The following CTNNA1 variants were observed in gnomAD, a reference collection of about 807,000 sequenced individuals.
CTNNA1 encodes catenin alpha 1, also known as catenin alpha-1.
CTNNA1 carries 37 observed loss-of-function variants against 98.4 expected under a neutral mutation model. The ratio of observed to expected loss-of-function variants is 0.38; its 90% CI spans 0.29 to 0.49. The LOEUF (loss-of-function observed/expected upper bound fraction) is 0.49. Ranked by LOEUF, CTNNA1 falls within the 20% of genes least tolerant of loss-of-function variation. The pLI is 0.95. For missense variants in CTNNA1, 761 were observed against 1,147.2 expected, an observed-to-expected ratio of 0.66 and a Z score of 4.86; for synonymous variants, 404 against 413.2, an observed-to-expected ratio of 0.98 and a Z score of 0.27.
rs1760868753 is a variant in CTNNA1 at position 138,827,801 on chromosome 5, C to T, written c.1062+83C>T. The stretch of plus-strand genomic sequence containing the variant: ...ACATGTTGGATCTGAGATGTTTTCA[C>T]TATAAATACCAAATATGTCCTTGAC... On this transcript the variant is annotated intron_variant, in intron 7 of 17. Transcript: ENST00000302763. The T allele has an allele frequency of 4.0e-6, 6 of 1,514,934 alleles. No homozygotes were observed. In the South Asian group the frequency reaches 4.7e-5, roughly 12 times the overall value. 93.8% of individuals were successfully genotyped at this position (1,514,934 alleles called of 1,614,324 possible).
At position 138,929,294 on chromosome 5, in the gene CTNNA1, G is replaced by A; in HGVS notation, c.1948G>A (p.Val650Ile). 6.2e-7 allele frequency: 1 copy of A among 1,612,696 alleles called. No homozygotes were observed. Among genetic ancestry groups the A allele is most frequent in the South Asian group, 1.1e-5 (1 of 91,054 alleles). The change falls in exon 14 of 18, where the codon GTC (valine) becomes ATC (isoleucine). Residue 650 changes from valine to isoleucine, a missense_variant. Around this residue, in one of 6 missense-constraint regions of CTNNA1, gnomAD observed 77 missense variants for 198.8 expected, o/e 0.39. Coordinates refer to ENST00000302763, the MANE Select transcript of CTNNA1 (RefSeq NM_001903.5). ...DSDFETEDFDVRSRTSVQTED... is the reference protein window; with the variant it reads ...DSDFETEDFDIRSRTSVQTED... Reference sequence around the variant, plus strand: ...TGACTTTGAGACAGAAGATTTTGATGTCAGAAGCAGGACGAGCGTCCAGAC... The same window carrying A: ...TGACTTTGAGACAGAAGATTTTGATATCAGAAGCAGGACGAGCGTCCAGAC...
intron 4 of CTNNA1, among the ~76,000 whole-genome samples, chr5:138,811,522 C>T (rs1334627597): frequency 4.0e-5 from 6 of 149,368 alleles, no homozygotes; most frequent in Non-Finnish European, 7.4e-5. Context: ...GGGTGGCGGC[C>T]GGGCAGAGGC....
intron 7 of CTNNA1, among the ~76,000 whole-genome samples, chr5:138,865,447 C>G (rs1032572294): frequency 2.6e-5 from 4 of 152,204 alleles, no homozygotes. Flanking sequence ...CAACGTTGTT[C>G]CTACAGCTGG....
chr5:138,893,010 C>T (rs987521550), intron 9 of CTNNA1, among the ~76,000 whole-genome samples: 9 of 151,940 alleles, frequency 5.9e-5, no homozygotes, highest in Non-Finnish European at 7.4e-5. Flanking sequence ...AGATAGACTC[C>T]GTCTCAAAAT....
At chr5:138,903,375 G>A (rs1327193780) in intron 9 of CTNNA1, among the ~76,000 whole-genome samples, 1 of 152,122 alleles carries the variant, frequency 6.6e-6, no homozygotes, top group Non-Finnish European at 1.5e-5. Flanking sequence ...TAAATTCCCA[G>A]AAAGTGCCTC....
rs565231062 is a variant in CTNNA1 at position 138,757,969 on chromosome 5, C to T, written c.-3+4459C>T. Among the ~76,000 whole-genome samples, 33 of 152,204 alleles carry T rather than the reference C, an allele frequency of 2.2e-4. 1 individual carries two copies. The South Asian group carries it at 6.8e-3, about 32-fold the overall frequency. On this transcript the variant is annotated intron_variant, in intron 1 of 17. Transcript: ENST00000302763. ...AATCACTGATGAAATCCTCTCCATG[C>T]AGTCCTCAGCTTATGTGTAATATAT... is the stretch of plus-strand genomic sequence containing the variant.
At position 138,933,704 on chromosome 5, in the gene CTNNA1, G is replaced by A. The variant is rs929957445; in HGVS notation, c.2434-98G>A. On this transcript the variant is annotated intron_variant, in intron 17 of 17. Coordinates refer to ENST00000302763, the MANE Select transcript of CTNNA1 (RefSeq NM_001903.5). ...TGCGACCTGCCCAGGCCCTGGTCTT[G>A]CAGAGGAGTAGGGGGCTCCCCTTCA... 1.2e-5 allele frequency: 15 copies of A among 1,291,872 alleles called. No individual in the cohort carries two copies. In the African/African-American group the frequency reaches 2.1e-4, roughly 18 times the overall value. 80.0% of individuals were successfully genotyped at this position (1,291,872 alleles called of 1,614,324 possible).
intron 7 of CTNNA1, chr5:138,881,236 C>A: frequency 2.6e-6 from 1 of 391,798 alleles, no homozygotes; most frequent in Non-Finnish European, 5.2e-6. Context: ...AAGAAGAGGG[C>A]ATTCTTTGAA....
chr5:138,801,884 A>G (rs1757611047), intron 3 of CTNNA1, among the ~76,000 whole-genome samples: 1 of 152,236 alleles, frequency 6.6e-6, no homozygotes, highest in Admixed American at 6.5e-5. Context: ...CCCTGCTGCT[A>G]TTTAAAACTC....
chr5:138,811,628 G>T (rs1020203121), intron 4 of CTNNA1, among the ~76,000 whole-genome samples: 9 of 152,168 alleles, frequency 5.9e-5, no homozygotes, highest in African/African-American at 2.2e-4. Flanking sequence ...CCTGGGCACT[G>T]TTGAGCACCG....
At chr5:138,777,063 G>A (rs1754367324) in intron 1 of CTNNA1, among the ~76,000 whole-genome samples, 1 of 152,200 alleles carries the variant, frequency 6.6e-6, no homozygotes, top group Non-Finnish European at 1.5e-5. Context: ...TTCCCAGACG[G>A]GGTGGCTGCC....
chr5:138,932,993 C>T lies in CTNNA1; in HGVS notation c.2433+281C>T, dbSNP rs41300801. 2.6e-4 allele frequency: 198 copies of T among 765,322 alleles called. No individual in the cohort carries two copies. Among genetic ancestry groups the T allele is most frequent in the Non-Finnish European group, 4.1e-4 (170 of 418,224 alleles). The allele number at this position is 765,322 out of a possible 1,614,324, so 47.4% of individuals were successfully genotyped here. A position where few individuals can be genotyped will look rare whatever the true frequency, so the allele number is the denominator to read the frequency against. ...TTTAAAAATCTTCCTTGGGACCGGG[C>T]GTGGTGGCAGGTACCTGTAAGTCCC... On this transcript the variant is annotated intron_variant, in intron 17 of 17. Coordinates refer to ENST00000302763, the MANE Select transcript of CTNNA1 (RefSeq NM_001903.5).
intron 9 of CTNNA1, among the ~76,000 whole-genome samples, chr5:138,902,471 G>C (rs1371995018): frequency 6.6e-6 from 1 of 152,244 alleles, no homozygotes; most frequent in Non-Finnish European, 1.5e-5. Flanking sequence ...CCAGGCTGGA[G>C]TGCAGTGGCG....
At chr5:138,754,954 C>G (rs1176471566) in intron 1 of CTNNA1, 2 of 152,068 alleles carry the variant, frequency 1.3e-5, no homozygotes, top group Non-Finnish European at 2.9e-5. Context: ...GATGGTGTCT[C>G]GCTGTCTTGC....
chr5:138,851,922 T>C (rs896830403), intron 7 of CTNNA1, among the ~76,000 whole-genome samples: 1 of 150,388 alleles, frequency 6.6e-6, no homozygotes, highest in African/African-American at 2.5e-5. Context: ...AACAAAAAAT[T>C]AGCCAGGCAT....
chr5:138,860,368 T>C (rs939219097), intron 7 of CTNNA1, among the ~76,000 whole-genome samples: 1 of 152,210 alleles, frequency 6.6e-6, no homozygotes, highest in East Asian at 1.9e-4. Flanking sequence ...GTACCACTTA[T>C]GCACTGTAAT....
chr5:138,778,548 C>T (rs1754675117), intron 1 of CTNNA1, among the ~76,000 whole-genome samples: 1 of 152,116 alleles, frequency 6.6e-6, no homozygotes, highest in African/African-American at 2.4e-5. Flanking sequence ...CTATTTCCCC[C>T]ATCTGTCATA....
chr5:138,898,664 T>G (rs1288241852), intron 9 of CTNNA1, among the ~76,000 whole-genome samples: 1 of 152,214 alleles, frequency 6.6e-6, no homozygotes, highest in Non-Finnish European at 1.5e-5. Context: ...GGATTTCTTT[T>G]TATTTGCCCC....
In CTNNA1 at chr5:138,836,495, T is replaced by A. The variant is rs955089956; in HGVS notation, c.1062+8777T>A. Among the ~76,000 whole-genome samples, 3 of 152,400 alleles carry A rather than the reference T, an allele frequency of 2.0e-5. No homozygotes were observed. In the South Asian group the frequency reaches 6.2e-4, roughly 32 times the overall value. ...TATTTGTGTTGCTTTCAAAGAGGTT[T>A]GAAGTACTTCCCATTTATGAGCTAT... On this transcript the variant is annotated intron_variant, in intron 7 of 17. Coordinates refer to ENST00000302763, the MANE Select transcript of CTNNA1 (RefSeq NM_001903.5).
Sources: allele counts gnomAD v4.1 joint callset (sites outside exome capture counted in the v4.1 genomes callset), GRCh38; gene constraint gnomAD v4.1.1; regional missense constraint gnomAD v4.1.1; transcripts MANE v1.5; gene names NCBI Gene and HGNC (gene_info 2026-07-23, HGNC 2026-07-21).